PATJ: variants seen among roughly 807,000 people sequenced by gnomAD.
PATJ encodes the protein inaD-like protein.
Under a neutral mutation model 224.9 loss-of-function variants are expected in PATJ, and 190 were observed. The observed-to-expected ratio is 0.84, with a 90% confidence interval of 0.75 to 0.95. The LOEUF is 0.95. Among genes scored for constraint, PATJ ranks in the 40% least tolerant of loss-of-function variants. The pLI is 0.00. For synonymous variants in PATJ, 769 were observed against 820.3 expected (o/e 0.94, Z 1.07); for missense variants, 2,121 against 2,270.3 (o/e 0.93, Z 1.34).
chr1:61,991,663 CT>C, intron 28 of PATJ: 1 of 985,268 alleles, frequency 1.0e-6, no homozygotes, highest in South Asian at 4.7e-5. Context: ...GATTACTTTT[CT>C]TTTCTTGTTC....
chr1:62,019,778 T>A (rs17122925), intron 29 of PATJ, among the ~76,000 whole-genome samples: 2 of 151,512 alleles, frequency 1.3e-5, no homozygotes, highest in African/African-American at 4.9e-5. Context: ...AAAACTTGAG[T>A]AGACTTTGAA....
intron 41 of PATJ, among the ~76,000 whole-genome samples, chr1:62,130,057 G>T (rs1666105095): frequency 6.6e-6 from 1 of 152,166 alleles, no homozygotes; most frequent in African/African-American, 2.4e-5. Context: ...AGTTTGGGCT[G>T]AGTGCAGTGG....
At chr1:61,825,208 A>G (rs1262828031) in intron 15 of PATJ, among the ~76,000 whole-genome samples, 7 of 152,142 alleles carry the variant, frequency 4.6e-5, no homozygotes, top group Non-Finnish European at 8.8e-5. Context: ...TATCACTGTG[A>G]AGAAGGCATT....
chr1:62,042,782 G>A (rs1651766775), intron 30 of PATJ, among the ~76,000 whole-genome samples: 1 of 152,120 alleles, frequency 6.6e-6, no homozygotes. Flanking sequence ...AAGTAGCTGG[G>A]ACTATAGGCA....
chr1:61,774,451 G>A (rs1646806095), intron 6 of PATJ, among the ~76,000 whole-genome samples: 2 of 152,180 alleles, frequency 1.3e-5, no homozygotes, highest in South Asian at 4.1e-4. Context: ...GATTTGTATA[G>A]TCCTATTGCT....
intron 1 of PATJ, among the ~76,000 whole-genome samples, chr1:61,745,000 T>C (rs1235593823): frequency 6.6e-6 from 1 of 152,118 alleles, no homozygotes; most frequent in African/African-American, 2.4e-5. Context: ...CAGGGTGAGG[T>C]ATGAGAAGGG....
chr1:62,153,570 C>T (rs2149048449), intron 43 of PATJ, 89 bp downstream of exon 43: 1 of 807,872 alleles, frequency 1.2e-6, no homozygotes, highest in Non-Finnish European at 1.7e-6. Context: ...TACTTTGGGT[C>T]AAACCTGGAT....
At chr1:62,009,316 A>AGTG (rs1646287019) in intron 28 of PATJ, among the ~76,000 whole-genome samples, 1 of 152,288 alleles carries the variant, frequency 6.6e-6, no homozygotes, top group Non-Finnish European at 1.5e-5. Flanking sequence ...AGAATAAGTG[A>AGTG]GTCATGTGTG....
intron 28 of PATJ, among the ~76,000 whole-genome samples, chr1:61,993,191 A>G (rs1389450956): frequency 2.0e-5 from 3 of 152,198 alleles, no homozygotes; most frequent in African/African-American, 7.2e-5. Context: ...GGTTTGATTA[A>G]TTTGCTAGGG....
At chr1:62,096,352 G>A (rs976346713) in intron 33 of PATJ, among the ~76,000 whole-genome samples, 3 of 152,132 alleles carry the variant, frequency 2.0e-5, no homozygotes, top group Non-Finnish European at 4.4e-5. Context: ...TGGATTCACA[G>A]ATATGGAATC....
intron 28 of PATJ, among the ~76,000 whole-genome samples, chr1:62,006,450 A>T (rs1350632391): frequency 6.6e-6 from 1 of 152,238 alleles, no homozygotes; most frequent in Non-Finnish European, 1.5e-5. Flanking sequence ...GTTGAACTAT[A>T]AAAAATTAAC....
intron 41 of PATJ, among the ~76,000 whole-genome samples, chr1:62,141,617 G>C (rs1667505548): frequency 1.3e-5 from 2 of 151,688 alleles, no homozygotes; most frequent in Admixed American, 6.6e-5. Flanking sequence ...GGAGGTTACA[G>C]TGAGGTAAGA....
intron 17 of PATJ, among the ~76,000 whole-genome samples, chr1:61,836,491 G>A (rs1036391222): frequency 4.6e-5 from 7 of 152,106 alleles, no homozygotes; most frequent in Non-Finnish European, 1.0e-4. Context: ...GCTAAACCTT[G>A]GGGAATGGGG....
At chr1:62,026,574 A>T (rs146532339) in intron 29 of PATJ, among the ~76,000 whole-genome samples, 1 of 152,078 alleles carries the variant, frequency 6.6e-6, no homozygotes, top group African/African-American at 2.4e-5. Context: ...CAATAAATAA[A>T]GTCAGCCTGC....
intron 30 of PATJ, chr1:62,038,496 G>T (rs4073681): frequency 0.28 from 43,675 of 158,760 alleles, 6,291 homozygotes; most frequent in South Asian, 0.5. Flanking sequence ...GATAGATAAA[G>T]AATTGTGTAA....
At chr1:61,912,005 AAT>A (rs140063491) in intron 25 of PATJ, among the ~76,000 whole-genome samples, 2,989 of 148,980 alleles carry the variant, frequency 0.02, 105 homozygotes, top group African/African-American at 0.069. Flanking sequence ...ATTCTATATT[AAT>A]ATATATATAT....
chr1:61,965,640 C>T (rs980652062), intron 27 of PATJ, among the ~76,000 whole-genome samples: 3 of 152,068 alleles, frequency 2.0e-5, no homozygotes, highest in Non-Finnish European at 2.9e-5. Flanking sequence ...TAACCAGTGA[C>T]GGGAGAAATT....
chr1:61,817,270 A>G (rs1319405758), intron 14 of PATJ, among the ~76,000 whole-genome samples: 1 of 152,230 alleles, frequency 6.6e-6, no homozygotes, highest in Non-Finnish European at 1.5e-5. Flanking sequence ...CTAAATAGCA[A>G]CTGATGTTTG....
At chr1:61,959,660 T>G (rs944944873) in intron 27 of PATJ, among the ~76,000 whole-genome samples, 3 of 151,880 alleles carry the variant, frequency 2.0e-5, no homozygotes, top group Non-Finnish European at 4.4e-5. Context: ...CAGGCTGGTC[T>G]CAAACTCCTG....
Sources: allele counts gnomAD v4.1 joint callset (sites outside exome capture counted in the v4.1 genomes callset), GRCh38; gene constraint gnomAD v4.1.1; transcripts MANE v1.5; gene names NCBI Gene and HGNC (gene_info 2026-07-23, HGNC 2026-07-21).